ERC2: variants seen among roughly 807,000 people sequenced by gnomAD.
The protein encoded by ERC2 is ELKS/RAB6-interacting/CAST family member 2.
ERC2 carries 42 observed loss-of-function variants against 114.8 expected under a neutral mutation model. That is an observed-to-expected ratio of 0.37 (90% CI 0.29 to 0.47). The LOEUF (loss-of-function observed/expected upper bound fraction) is 0.47. Among genes scored for constraint, ERC2 ranks in the 20% least tolerant of loss-of-function variants. The probability of loss-of-function intolerance (pLI) is 0.99; values close to 1 mark genes in which losing one functional copy is unlikely to be tolerated. For missense variants in ERC2, 939 were observed against 1,150.7 expected (o/e 0.82, Z 2.66); for synonymous variants, 454 against 425.5 (o/e 1.07, Z -0.82).
chr3:55,745,020 T>A (rs2066219719), intron 14 of ERC2, among the ~76,000 whole-genome samples: 1 of 152,230 alleles, frequency 6.6e-6, no homozygotes, highest in African/African-American at 2.4e-5. Context: ...CTCCCCTTTA[T>A]AGTGAATATA....
intron 6 of ERC2, among the ~76,000 whole-genome samples, chr3:56,097,446 G>A (rs552219926): frequency 6.6e-6 from 1 of 152,166 alleles, no homozygotes; most frequent in South Asian, 2.1e-4. Flanking sequence ...GAACATTTTG[G>A]TATGGAAAAT....
At chr3:56,397,876 G>A (rs571064752) in intron 2 of ERC2, among the ~76,000 whole-genome samples, 11 of 152,342 alleles carry the variant, frequency 7.2e-5, no homozygotes, top group African/African-American at 2.2e-4. Context: ...GTCCCAGACA[G>A]CTGCTCCAAC....
intron 2 of ERC2, among the ~76,000 whole-genome samples, chr3:56,344,322 C>T (rs993126031): frequency 6.6e-6 from 1 of 152,190 alleles, no homozygotes; most frequent in Non-Finnish European, 1.5e-5. Context: ...ACCTTCCCTC[C>T]TCCTCCTCCT....
At chr3:56,113,928 A>G (rs770091224) in intron 6 of ERC2, among the ~76,000 whole-genome samples, 3 of 152,194 alleles carry the variant, frequency 2.0e-5, no homozygotes, top group Non-Finnish European at 4.4e-5. Context: ...CTGAAGAATC[A>G]TAAGGTTCAT....
At chr3:55,627,830 C>G (rs1390872574) in intron 17 of ERC2, among the ~76,000 whole-genome samples, 33 of 148,632 alleles carry the variant, frequency 2.2e-4, no homozygotes, top group Admixed American at 2.2e-3. Context: ...TTAGATGTTC[C>G]TTGGAATTTT....
At chr3:56,217,880 A>C (rs535263612) in intron 3 of ERC2, among the ~76,000 whole-genome samples, 166 of 152,110 alleles carry the variant, frequency 1.1e-3, no homozygotes, top group African/African-American at 3.6e-3. Flanking sequence ...CAAAAACAGG[A>C]AATGGGGAAA....
rs1177271915 is a variant in ERC2 at position 55,508,882 on chromosome 3, C to T, written c.*2434G>A. ...AAGACCAACTTCTCCTAAATGTTAG[C>T]CCAAACTTCTTTTTTCAACTATGTT... On this transcript the variant is annotated 3_prime_UTR_variant, in exon 18 of 18. Transcript: ENST00000288221. The T allele has an allele frequency of 6.6e-6, 1 of 152,524 alleles. No individual in the cohort carries two copies. The highest frequency in any genetic ancestry group is 2.4e-5 in the African/African-American group (1 of 41,412). 9.4% of individuals were successfully genotyped at this position (152,524 alleles called of 1,614,324 possible). A position where few individuals can be genotyped will look rare whatever the true frequency, so the allele number is the denominator to read the frequency against.
At chr3:55,957,521 A>G (rs1018900795) in intron 12 of ERC2, among the ~76,000 whole-genome samples, 17 of 152,222 alleles carry the variant, frequency 1.1e-4, no homozygotes, top group African/African-American at 4.1e-4. Flanking sequence ...CTCTGTGGCC[A>G]GCCGCACCCC....
chr3:56,299,638 C>G (rs890921036), intron 2 of ERC2, among the ~76,000 whole-genome samples: 11 of 151,798 alleles, frequency 7.2e-5, no homozygotes, highest in African/African-American at 2.7e-4. Context: ...CCATGTTGCC[C>G]AGGCTGGTCT....
chr3:56,296,107 G>T lies in ERC2; in HGVS notation c.986C>A (p.Thr329Lys), dbSNP rs373270503. 1.2e-6 allele frequency: 2 copies of T among 1,613,808 alleles called. No homozygotes were observed. Among genetic ancestry groups the T allele is most frequent in the African/African-American group, 1.3e-5 (1 of 74,924 alleles). The change falls in exon 3 of 18, where the codon ACG becomes AAG. Residue 329 changes from threonine to lysine, a missense_variant. By Grantham distance (78) the Thr-to-Lys change is moderately conservative. Around this residue, in one of 5 missense-constraint regions of ERC2, gnomAD observed 148 missense variants for 159.1 expected, o/e 0.93. Transcript: ENST00000288221. ...AGACTCAGCCTCTGCCATCCGCCGC[G>T]TTCGCTCATTGTCATCCTCCAGGCT... is the stretch of plus-strand genomic sequence containing the variant. ...SKSLEDDNER[T>K]RRMAEAESQV...
At chr3:55,772,105 A>G (rs2068250321) in intron 14 of ERC2, among the ~76,000 whole-genome samples, 1 of 152,182 alleles carries the variant, frequency 6.6e-6, no homozygotes, top group Non-Finnish European at 1.5e-5. Flanking sequence ...GCATACAGTA[A>G]GGCATTAATA....
chr3:56,084,458 G>A (rs1057087478), intron 6 of ERC2, among the ~76,000 whole-genome samples: 4 of 152,146 alleles, frequency 2.6e-5, no homozygotes, highest in Admixed American at 6.5e-5. Context: ...ATCAACCTAT[G>A]TGCCTGTCAA....
chr3:55,576,726 G>A (rs1321684319), intron 17 of ERC2, among the ~76,000 whole-genome samples: 1 of 152,226 alleles, frequency 6.6e-6, no homozygotes, highest in East Asian at 1.9e-4. Context: ...GTATCTTTAT[G>A]GCCTGGGCTG....
chr3:55,514,578 G>T (rs1220776948), intron 17 of ERC2, among the ~76,000 whole-genome samples: 1 of 152,222 alleles, frequency 6.6e-6, no homozygotes, highest in Non-Finnish European at 1.5e-5. Context: ...AGAGGGATTG[G>T]CTGTGCTGTG....
intron 14 of ERC2, among the ~76,000 whole-genome samples, chr3:55,743,610 A>G (rs187117493): frequency 6.2e-4 from 94 of 151,454 alleles, no homozygotes; most frequent in Non-Finnish European, 1.0e-3. Flanking sequence ...AAAAAAAAAA[A>G]AAAGAAACAA....
intron 17 of ERC2, among the ~76,000 whole-genome samples, chr3:55,605,108 T>C (rs2058586094): frequency 6.6e-6 from 1 of 152,176 alleles, no homozygotes; most frequent in Non-Finnish European, 1.5e-5. Flanking sequence ...GCAAATTTTT[T>C]TTTTTTTTTA....
intron 7 of ERC2, among the ~76,000 whole-genome samples, chr3:56,032,258 G>A (rs2074418785): frequency 6.6e-6 from 1 of 152,090 alleles, no homozygotes; most frequent in Admixed American, 6.5e-5. Context: ...GGTATTCCTT[G>A]ATAGCAACAC....
intron 1 of ERC2, among the ~76,000 whole-genome samples, chr3:56,466,815 A>G (rs1349413841): frequency 6.6e-6 from 1 of 152,216 alleles, no homozygotes; most frequent in African/African-American, 2.4e-5. Flanking sequence ...TACAAGGACA[A>G]GAGTGACCAT....
chr3:55,718,426 A>G (rs1381748234), intron 15 of ERC2, among the ~76,000 whole-genome samples: 4 of 152,210 alleles, frequency 2.6e-5, no homozygotes. Flanking sequence ...CTTTCAACTC[A>G]AGCCATTTAA....
Sources: gnomAD v4.1 joint callset for allele counts (sites outside exome capture counted in the v4.1 genomes callset) on GRCh38, gnomAD v4.1.1 for gene constraint, gnomAD v4.1.1 regional missense constraint, MANE v1.5 for transcripts, NCBI Gene and HGNC (gene_info 2026-07-23, HGNC 2026-07-21) for gene names.